The following LRRC38 variants were observed in gnomAD, a reference collection of about 807,000 sequenced individuals.
The protein encoded by LRRC38 is leucine rich repeat containing 38.
LRRC38 carries 5 observed loss-of-function variants against 16.4 expected under a neutral mutation model. The ratio of observed to expected loss-of-function variants is 0.31; its 90% CI spans 0.16 to 0.64. LRRC38 has a LOEUF of 0.64. Ranked by LOEUF, LRRC38 falls within the 30% of genes least tolerant of loss-of-function variation. The pLI is 0.80. For missense variants in LRRC38, 341 were observed against 401.8 expected (o/e 0.85, Z 1.29); for synonymous variants, 191 against 190.2 (o/e 1.00, Z -0.04).
intron 1 of LRRC38, among the ~76,000 whole-genome samples, chr1:13,505,835 G>A (rs775701099): frequency 1.3e-5 from 2 of 151,362 alleles, no homozygotes; most frequent in African/African-American, 2.4e-5. Context: ...CAGGGGCTCC[G>A]GCTGGATACT....
rs888566313 is a variant in LRRC38 at position 13,487,224 on chromosome 1, C to T, written c.632-11125G>A. ...GTTGTTTACGCTCAAGATACCCAAC[C>T]GATGGATTCTAGGACAACGGAATTC... On this transcript the variant is annotated intron_variant, in intron 1 of 1. Coordinates refer to ENST00000376085, the MANE Select transcript of LRRC38 (RefSeq NM_001010847.2). The surrounding 1 kb of genome is among the most constrained non-coding windows in gnomAD (Gnocchi z 4.4). 4.6e-5 allele frequency among the ~76,000 whole-genome samples: 7 copies of T among 152,180 alleles called. No individual in the cohort carries two copies. Among genetic ancestry groups the T allele is most frequent in the African/African-American group, 1.7e-4 (7 of 41,442 alleles).
chr1:13,492,913 C>T lies in LRRC38; in HGVS notation c.632-16814G>A, dbSNP rs60056622. ...TCTGCTCTGCCGCTCCCCTCTCCCC[C>T]CTGACCCAGGCCTAACCTCCGACCA... is the stretch of plus-strand genomic sequence containing the variant. On this transcript the variant is annotated intron_variant, in intron 1 of 1. Coordinates refer to ENST00000376085, the MANE Select transcript of LRRC38 (RefSeq NM_001010847.2). Among the ~76,000 whole-genome samples, 227 of 152,236 alleles carry T rather than the reference C, an allele frequency of 1.5e-3. 2 individuals are homozygous for T. Among genetic ancestry groups the T allele is most frequent in the African/African-American group, 5.3e-3 (219 of 41,534 alleles).
At position 13,513,174 on chromosome 1, in the gene LRRC38, C is replaced by T; in HGVS notation, c.420G>A (p.Leu140=). 6.4e-7 allele frequency: 1 copy of T among 1,550,532 alleles called. No individual in the cohort carries two copies. The highest frequency in any genetic ancestry group is 8.7e-7 in the Non-Finnish European group (1 of 1,146,948). The change falls in exon 1 of 2, where the codon CTG becomes CTA. Residue 140 remains leucine, a synonymous_variant. Coordinates refer to ENST00000376085, the MANE Select transcript of LRRC38 (RefSeq NM_001010847.2). ...LVKLSLANNN[L]VGVHEDAFET... ...CGAAGGCGTCCTCGTGCACGCCCAC[C>T]AGGTTGTTGTTAGCCAGGCTAAGCT...
Position 13,513,213 on chromosome 1 carries a change from G to T in LRRC38, c.381C>A (p.Ala127=), listed in dbSNP as rs573432291. 1 of 1,550,490 alleles carries T rather than the reference G, an allele frequency of 6.4e-7. No individual in the cohort carries two copies. The highest frequency in any genetic ancestry group is 8.7e-7 in the Non-Finnish European group (1 of 1,146,968). The change falls in exon 1 of 2, where the codon GCC becomes GCA. Residue 127 remains alanine (A), a synonymous_variant. Coordinates refer to ENST00000376085, the MANE Select transcript of LRRC38 (RefSeq NM_001010847.2). The stretch of plus-strand genomic sequence containing the variant: ...CCAGGCTAAGCTTCACCAGCCTCCC[G>T]GCCGAGCGGAAGGCGCCGGCGCCCA... ...TQLGAGAFRS[A]GRLVKLSLAN... is the part of the protein sequence containing the mutation.
In LRRC38 at chr1:13,502,076, C is replaced by T. The variant is rs373376531; in HGVS notation, c.631+10887G>A. ...CCCAGCAGTGGGGACTACAGGGGCA[C>T]GCTGCCACGCCCAGCCAATTTTTTT... On this transcript the variant is annotated intron_variant, in intron 1 of 1. Transcript: ENST00000376085. Among the ~76,000 whole-genome samples, 64 of 151,406 alleles carry T rather than the reference C, an allele frequency of 4.2e-4. No homozygotes were observed. In the East Asian group the frequency reaches 5.5e-3, roughly 13 times the overall value.
At chr1:13,484,338 C>A (rs1482094810) in intron 1 of LRRC38, among the ~76,000 whole-genome samples, 2 of 152,014 alleles carry the variant, frequency 1.3e-5, no homozygotes, top group Non-Finnish European at 2.9e-5. Context: ...ATTTTCTGTC[C>A]CCCTGCTCCT....
chr1:13,484,473 C>T (rs1028224013), intron 1 of LRRC38, among the ~76,000 whole-genome samples: 4 of 152,200 alleles, frequency 2.6e-5, no homozygotes, highest in South Asian at 2.1e-4. Flanking sequence ...GATCAGAGAA[C>T]GTGGCTTAGA....
chr1:13,488,528 C>T (rs1199866875), intron 1 of LRRC38, among the ~76,000 whole-genome samples: 2 of 152,126 alleles, frequency 1.3e-5, no homozygotes, highest in African/African-American at 2.4e-5. Context: ...CCTCGGCCTC[C>T]GAAAGTGCTG....
intron 1 of LRRC38, among the ~76,000 whole-genome samples, chr1:13,478,803 G>A (rs955768267): frequency 2.0e-5 from 3 of 152,120 alleles, no homozygotes; most frequent in Non-Finnish European, 2.9e-5. Context: ...TCAGAAACAG[G>A]AGATGGAGGA....
At chr1:13,485,277 T>TAAAAAAAAAAAAAAAAA (rs3060199) in intron 1 of LRRC38, among the ~76,000 whole-genome samples, 19 of 97,836 alleles carry the variant, frequency 1.9e-4, no homozygotes, top group African/African-American at 7.2e-4. Context: ...AACCCCACCT[T>TAAAAAAAAAAAAAAAAA]AAAAAAAAAA....
chr1:13,494,398 CTTTTT>C (rs34023623), intron 1 of LRRC38, among the ~76,000 whole-genome samples: 11 of 123,984 alleles, frequency 8.9e-5, no homozygotes, highest in African/African-American at 2.6e-4. Context: ...CTGTGCTAGA[CTTTTT>C]TTTTTTTTTT....
intron 1 of LRRC38, among the ~76,000 whole-genome samples, chr1:13,478,728 C>A (rs1638815658): frequency 1.3e-5 from 2 of 152,158 alleles, no homozygotes; most frequent in East Asian, 3.8e-4. Flanking sequence ...AAAAAGCAGC[C>A]CTGCTAATTA....
At position 13,513,705 on chromosome 1, in the gene LRRC38, G is replaced by C. The variant is rs928389581; in HGVS notation, c.-112C>G. 1,243 of 641,010 alleles carry C rather than the reference G, an allele frequency of 1.9e-3. No individual in the cohort carries two copies. Among genetic ancestry groups the C allele is most frequent in the Non-Finnish European group, 2.3e-3 (1,195 of 512,468 alleles). The allele number at this position is 641,010 out of a possible 1,614,324, so 39.7% of individuals were successfully genotyped here. On this transcript the variant is annotated 5_prime_UTR_variant, in exon 1 of 2. Transcript: ENST00000376085. The stretch of plus-strand genomic sequence containing the variant: ...TGCCGGGCGCGGGGAGCCAGAGGGC[G>C]GCCCGGGCGGGGAGGGCGTGCGCCC...
At chr1:13,488,796 C>T (rs1638972963) in intron 1 of LRRC38, among the ~76,000 whole-genome samples, 1 of 152,170 alleles carries the variant, frequency 6.6e-6, no homozygotes, top group South Asian at 2.1e-4. Flanking sequence ...CTTCTGTGAA[C>T]TGCCTGCCCA....
chr1:13,507,617 A>G (rs1639228649), intron 1 of LRRC38, among the ~76,000 whole-genome samples: 1 of 151,304 alleles, frequency 6.6e-6, no homozygotes, highest in African/African-American at 2.4e-5. Context: ...GGATCACCTG[A>G]GGTCAGGAGT....
intron 1 of LRRC38, among the ~76,000 whole-genome samples, chr1:13,479,439 C>A (rs965197115): frequency 6.6e-6 from 1 of 152,234 alleles, no homozygotes; most frequent in Non-Finnish European, 1.5e-5. Flanking sequence ...CATAAGCCCA[C>A]GGCACCTGCC....
intron 1 of LRRC38, among the ~76,000 whole-genome samples, chr1:13,479,917 G>C (rs1638830827): frequency 6.6e-6 from 1 of 152,174 alleles, no homozygotes; most frequent in Non-Finnish European, 1.5e-5. Flanking sequence ...TTCTCAACTT[G>C]GCCATCACTG....
intron 1 of LRRC38, among the ~76,000 whole-genome samples, chr1:13,498,892 T>A (rs1639113819): frequency 7.2e-5 from 11 of 152,130 alleles, no homozygotes; most frequent in Non-Finnish European, 1.5e-5. Flanking sequence ...GTAGGAAGAA[T>A]GTGTTCCAGG....
At position 13,513,284 on chromosome 1, in the gene LRRC38, C is replaced by T; in HGVS notation, c.310G>A (p.Ala104Thr). The T allele has an allele frequency of 6.4e-7, 1 of 1,550,522 alleles. No individual in the cohort carries two copies. The highest frequency in any genetic ancestry group is 8.7e-7 in the Non-Finnish European group (1 of 1,146,950). ...CTGAGGTCGAGGAACACGAGCTTGG[C>T]CGAGCCGCTGAACGTGCCCTCCTCC... ...SLEEGTFSGS[A>T]KLVFLDLSYN... is the part of the protein sequence containing the mutation. The change falls in exon 1 of 2, where the codon GCC becomes ACC. Residue 104 changes from alanine (A) to threonine (T), a missense_variant. By Grantham distance (58) the Ala-to-Thr change is moderately conservative. Coordinates refer to ENST00000376085, the MANE Select transcript of LRRC38 (RefSeq NM_001010847.2).
Sources: allele counts gnomAD v4.1 joint callset (sites outside exome capture counted in the v4.1 genomes callset), GRCh38; gene constraint gnomAD v4.1.1; non-coding constraint Gnocchi (gnomAD v3.1); transcripts MANE v1.5; gene names NCBI Gene and HGNC (gene_info 2026-07-23, HGNC 2026-07-21).